The following ANO9 variants were observed in gnomAD, a reference collection of about 807,000 sequenced individuals.
ANO9 encodes anoctamin 9.
Under a neutral mutation model 100.5 loss-of-function variants are expected in ANO9, and 80 were observed. The observed-to-expected ratio is 0.80, with a 90% CI of 0.66 to 0.96. The LOEUF is 0.96. ANO9 is among the 40% of genes least tolerant of loss of function. ANO9 has a pLI of 0.00. For missense variants in ANO9, 1,064 were observed against 1,072.7 expected (o/e 0.99, Z 0.11); for synonymous variants, 473 against 435.6 (o/e 1.09, Z -1.07).
Position 433,192 on chromosome 11 carries a change from G to A in ANO9, c.350+122C>T. The A allele has an allele frequency of 3.6e-6, 5 of 1,380,324 alleles. No homozygotes were observed. The South Asian group carries it at 7.6e-5, about 21-fold the overall frequency. 85.5% of individuals were successfully genotyped at this position (1,380,324 alleles called of 1,614,324 possible). A position where few individuals can be genotyped will look rare whatever the true frequency, so the allele number is the denominator to read the frequency against. On this transcript the variant is annotated intron_variant, in intron 4 of 22. Transcript: ENST00000332826. ...CTCACACCTGTGGCCCCTGCCCTGA[G>A]ACCACACGGCTGTCCTGCCTTGGCG...
chr11:428,449 C>T (rs371867367), intron 13 of ANO9, 26 bp downstream of exon 13: 9 of 1,612,372 alleles, frequency 5.6e-6, no homozygotes, highest in South Asian at 2.2e-5. Flanking sequence ...CCCCCCAGCT[C>T]GGGCCTGCCC....
chr11:433,801 G>T lies in ANO9; in HGVS notation c.204+14C>A. 1 of 1,553,304 alleles carries T rather than the reference G, an allele frequency of 6.4e-7. No homozygotes were observed. The highest frequency in any genetic ancestry group is 2.4e-5 in the East Asian group (1 of 41,650). ...CGGCCCCATGGCCCTGCCCCTCGCT[G>T]GGCACCCGCCCACCTTAATGTGGAA... On this transcript the variant is annotated intron_variant, in intron 3 of 22. Coordinates refer to ENST00000332826, the MANE Select transcript of ANO9 (RefSeq NM_001012302.3).
intron 3 of ANO9, among the ~76,000 whole-genome samples, 165 bp downstream of exon 3, chr11:433,650 T>A (rs963434726): frequency 1.3e-5 from 2 of 150,130 alleles, no homozygotes; most frequent in African/African-American, 4.9e-5. Flanking sequence ...TTCTCCCCAA[T>A]CCTCCAGCCC....
chr11:437,635 C>T (rs902989928), intron 1 of ANO9, among the ~76,000 whole-genome samples: 2 of 151,380 alleles, frequency 1.3e-5, no homozygotes, highest in African/African-American at 4.9e-5. Context: ...CAGGAAGGGG[C>T]GTGGCACCTG....
At position 429,748 on chromosome 11, in the gene ANO9, A is replaced by G. The variant is rs377472818; in HGVS notation, c.832+10T>C. On this transcript the variant is annotated intron_variant, in intron 10 of 22. Transcript: ENST00000332826. ...CCCTGGCCCCGCAGAGGCGTCCCGC[A>G]GCAACTCACCCCAGAGAGCCATGAA... 26 of 1,611,474 alleles carry G rather than the reference A, an allele frequency of 1.6e-5. No homozygotes were observed. Among genetic ancestry groups the G allele is most frequent in the African/African-American group, 6.7e-5 (5 of 74,894 alleles).
rs1351183620 is a variant in ANO9, at chr11:422,777, T to C, written c.1335-1579A>G. 6.6e-6 allele frequency among the ~76,000 whole-genome samples: 1 copy of C among 152,200 alleles called. No homozygotes were observed. The highest frequency in any genetic ancestry group is 1.9e-4 in the East Asian group (1 of 5,204). On this transcript the variant is annotated intron_variant, in intron 15 of 22. Coordinates refer to ENST00000332826, the MANE Select transcript of ANO9 (RefSeq NM_001012302.3). This position sits in a 1 kb window ranked among gnomAD's most constrained non-coding sequence, Gnocchi z 4.3. ...CTGTGGTCGTTTGTTATGGTGATTT[T>C]CTTGGAAATAATGTATCATTTTACT... is the stretch of plus-strand genomic sequence containing the variant.
Position 421,294 on chromosome 11 carries a change from A to C in ANO9, c.1335-96T>G. 2.3e-6 allele frequency: 3 copies of C among 1,312,718 alleles called. No individual in the cohort carries two copies. Among genetic ancestry groups the C allele is most frequent in the South Asian group, 1.6e-5 (1 of 63,224 alleles). The allele number at this position is 1,312,718 out of a possible 1,614,324, so 81.3% of individuals were successfully genotyped here. A position where few individuals can be genotyped will look rare whatever the true frequency, so the allele number is the denominator to read the frequency against. Reference sequence around the variant, plus strand: ...CAGAAGCGGGTAGGAAAGACACAGAACAGGCGGGGCAGGCCCTGCAGGTGA... The same window carrying C: ...CAGAAGCGGGTAGGAAAGACACAGACCAGGCGGGGCAGGCCCTGCAGGTGA... On this transcript the variant is annotated intron_variant, in intron 15 of 22. Transcript: ENST00000332826. The surrounding 1 kb of genome is among the most constrained non-coding windows in gnomAD (Gnocchi z 6.8).
At position 440,571 on chromosome 11, in the gene ANO9, T is replaced by C. The variant is rs118087993; in HGVS notation, c.6+1350A>G. 300 of 152,552 alleles carry C rather than the reference T, an allele frequency of 2.0e-3. 5 individuals are homozygous for C. The East Asian group carries it at 0.054, about 27-fold the overall frequency. The allele number at this position is 152,552 out of a possible 1,614,324, so 9.4% of individuals were successfully genotyped here. A position where few individuals can be genotyped will look rare whatever the true frequency, so the allele number is the denominator to read the frequency against. ...GTCCCCTGCTCCTGGGAGGTCACCA[T>C]ACTGATGTGCGGACAGCCAGTCAGC... On this transcript the variant is annotated intron_variant, in intron 1 of 22. Coordinates refer to ENST00000332826, the MANE Select transcript of ANO9 (RefSeq NM_001012302.3).
At chr11:420,122 C>T in intron 19 of ANO9, 1 of 1,331,614 alleles carries the variant, frequency 7.5e-7, no homozygotes. Context: ...CGCTCCCCTG[C>T]TGCCTGTCCG....
At chr11:436,349 G>C (rs1041279673) in intron 1 of ANO9, among the ~76,000 whole-genome samples, 4 of 152,094 alleles carry the variant, frequency 2.6e-5, no homozygotes, top group Admixed American at 2.6e-4. Context: ...TTACAGGTGT[G>C]AGCCACCACG....
intron 1 of ANO9, among the ~76,000 whole-genome samples, chr11:439,150 A>G (rs1335849359): frequency 1.3e-5 from 2 of 152,076 alleles, no homozygotes; most frequent in African/African-American, 4.8e-5. Context: ...AGAACCACAC[A>G]CTGTTCTCCC....
intron 1 of ANO9, among the ~76,000 whole-genome samples, chr11:441,148 C>G (rs1407958124): frequency 2.0e-5 from 3 of 152,134 alleles, no homozygotes; most frequent in Non-Finnish European, 2.9e-5. Flanking sequence ...GCCGCCGGCG[C>G]AGCCCACACG....
In ANO9 at chr11:434,014, G is replaced by A. The variant is rs373000615; in HGVS notation, c.81+10C>T. 117 of 1,550,382 alleles carry A rather than the reference G, an allele frequency of 7.5e-5. No homozygotes were observed. The highest frequency in any genetic ancestry group is 1.7e-4 in the Middle Eastern group (1 of 5,924). ...CAGGTGGGGCCCGGGAGGGGCCCCC[G>A]GACACCCACCTCACAGGTGCTGATC... On this transcript the variant is annotated intron_variant, in intron 2 of 22. Coordinates refer to ENST00000332826, the MANE Select transcript of ANO9 (RefSeq NM_001012302.3).
Position 433,532 on chromosome 11 carries a change from C to CTCTATTCCACCTCAGAACCCTCCCCCG in ANO9, c.205-74_205-73insCGGGGGAGGGTTCTGAGGTGGAATAGA, listed in dbSNP as rs1564928042. The CTCTATTCCACCTCAGAACCCTCCCCCG allele has an allele frequency of 1.9e-5, 30 of 1,577,286 alleles. No individual in the cohort carries two copies. The South Asian group carries it at 2.8e-4, about 15-fold the overall frequency. ...CTATCCCGCCTCAGAACCCTCCCCC[C>CTCTATTCCACCTCAGAACCCTCCCCCG]TCTATTCCACCTCAGAACCCTCCCC... On this transcript the variant is annotated intron_variant, in intron 3 of 22. Transcript: ENST00000332826.
chr11:419,826 CTG>C, intron 19 of ANO9, 97 bp from the exon 20 acceptor site: 1 of 1,545,622 alleles, frequency 6.5e-7, no homozygotes, highest in Non-Finnish European at 8.7e-7. Flanking sequence ...TGCCGTGTCT[CTG>C]TGCGTGGTGT....
Position 432,586 on chromosome 11 carries a change from C to T in ANO9, c.351-532G>A, listed in dbSNP as rs1245639232. The T allele has an allele frequency of 1.2e-5, 2 of 160,782 alleles. No individual in the cohort carries two copies. The highest frequency in any genetic ancestry group is 4.8e-5 in the African/African-American group (2 of 41,544). 10.0% of individuals were successfully genotyped at this position (160,782 alleles called of 1,614,324 possible). On this transcript the variant is annotated intron_variant, in intron 4 of 22. Transcript: ENST00000332826. The surrounding 1 kb of genome is among the most constrained non-coding windows in gnomAD (Gnocchi z 4.8). ...CCTACAGACATGGCTCCTGGACACC[C>T]CAGGGCACGTCGCAGGTATGCGCCC... is the stretch of plus-strand genomic sequence containing the variant.
chr11:437,767 G>A (rs1004820733), intron 1 of ANO9, among the ~76,000 whole-genome samples: 1 of 152,234 alleles, frequency 6.6e-6, no homozygotes, highest in Non-Finnish European at 1.5e-5. Flanking sequence ...AGGGGCCCGG[G>A]AAGTGTTGTG....
chr11:428,051 G>T (rs767100718), intron 15 of ANO9, 37 bp downstream of exon 15: 2 of 1,393,798 alleles, frequency 1.4e-6, no homozygotes, highest in South Asian at 2.4e-5. Flanking sequence ...ACAAGCCCTC[G>T]TGAGTTGGGT....
chr11:433,096 G>T, intron 4 of ANO9: 2 of 586,114 alleles, frequency 3.4e-6, no homozygotes, highest in Non-Finnish European at 5.7e-6. Flanking sequence ...CCCTCAGAAT[G>T]CTCTGAGCGT....
Sources: gnomAD v4.1 joint callset for allele counts (sites outside exome capture counted in the v4.1 genomes callset) on GRCh38, gnomAD v4.1.1 for gene constraint, Gnocchi (gnomAD v3.1) non-coding constraint, MANE v1.5 for transcripts, NCBI Gene and HGNC (gene_info 2026-07-23, HGNC 2026-07-21) for gene names.